CDC25C: variants seen among roughly 807,000 people sequenced by gnomAD.
CDC25C encodes M-phase inducer phosphatase 3.
In CDC25C, 48 loss-of-function variants were observed where a neutral mutation model predicts 52.5. That is an observed-to-expected ratio of 0.91 (90% CI 0.72 to 1.16). The LOEUF (loss-of-function observed/expected upper bound fraction) is 1.16. Ranked by LOEUF, CDC25C falls within the 50% of genes most tolerant of loss-of-function variation. CDC25C has a pLI of 0.00. For synonymous variants in CDC25C, 187 were observed against 206.5 expected, an observed-to-expected ratio of 0.91 and a Z score of 0.81; for missense variants, 510 against 566.1, an observed-to-expected ratio of 0.90 and a Z score of 1.01.
upstream of CDC25C, among the ~76,000 whole-genome samples, chr5:138,336,155 C>CA (rs1760690902): frequency 7.0e-6 from 1 of 143,516 alleles, no homozygotes; most frequent in Non-Finnish European, 1.5e-5. Flanking sequence ...TTTTTTGAGA[C>CA]AGAGTCTCAT....
At chr5:138,286,271 A>G in intron 12 of CDC25C, 138 bp from the exon 13 acceptor site, 5 of 806,840 alleles carry the variant, frequency 6.2e-6, no homozygotes, top group Non-Finnish European at 9.8e-6. Flanking sequence ...GTGTTTGCAA[A>G]AAAAGGTCCA....
intron 6 of CDC25C, among the ~76,000 whole-genome samples, chr5:138,321,266 A>C (rs957612223): frequency 6.6e-6 from 1 of 152,100 alleles, no homozygotes; most frequent in Admixed American, 6.6e-5. Flanking sequence ...AAATTCTGGA[A>C]ATGAGTTCTG....
chr5:138,311,196 C>G (rs150366113), intron 7 of CDC25C, among the ~76,000 whole-genome samples: 1 of 152,124 alleles, frequency 6.6e-6, no homozygotes, highest in Non-Finnish European at 1.5e-5. Flanking sequence ...TGTTCTTTGT[C>G]CCAAAGAGCA....
At chr5:138,322,338 C>T (rs1271262023) in intron 6 of CDC25C, among the ~76,000 whole-genome samples, 4 of 151,614 alleles carry the variant, frequency 2.6e-5, no homozygotes, top group Admixed American at 6.6e-5. Context: ...CTCGCTCTGT[C>T]GCCCAGGCTG....
chr5:138,324,835 G>A (rs752405023), intron 6 of CDC25C, among the ~76,000 whole-genome samples: 3 of 152,066 alleles, frequency 2.0e-5, no homozygotes, highest in Admixed American at 1.3e-4. Flanking sequence ...TTGAGAGGCC[G>A]AGGCAGGTGG....
At chr5:138,325,960 G>A in intron 5 of CDC25C, 56 bp from the exon 6 acceptor site, 1 of 1,611,550 alleles carries the variant, frequency 6.2e-7, no homozygotes, top group Admixed American at 1.7e-5. Context: ...AGGTGCAATG[G>A]AAACCCTCTG....
At chr5:138,328,714 TTA>T (rs1760091220) in intron 3 of CDC25C, 185 bp from the exon 4 acceptor site, 2 of 543,682 alleles carry the variant, frequency 3.7e-6, no homozygotes, top group Non-Finnish European at 6.6e-6. Context: ...ACGTAAGAAT[TTA>T]TATGTGTCAC....
intron 7 of CDC25C, among the ~76,000 whole-genome samples, chr5:138,303,655 CAAAT>C (rs763069784): frequency 2.0e-5 from 3 of 152,148 alleles, no homozygotes; most frequent in Admixed American, 6.6e-5. Flanking sequence ...ACGTCACTCT[CAAAT>C]AAGTCTCCTC....
In CDC25C at chr5:138,328,541, T is replaced by C. The variant is rs1316458232; in HGVS notation, c.290-12A>G. ...AGAATCCAGGTGACCTGCAATCAAA[T>C]ATAAAGAATCAGTAAAAGGAGTTAT... On this transcript the variant is annotated splice_polypyrimidine_tract_variant and intron_variant, in intron 3 of 13. Coordinates refer to ENST00000323760, the MANE Select transcript of CDC25C (RefSeq NM_001790.5). The C allele has an allele frequency of 6.2e-7, 1 of 1,610,612 alleles. No individual in the cohort carries two copies. Among genetic ancestry groups the C allele is most frequent in the African/African-American group, 1.3e-5 (1 of 74,882 alleles).
chr5:138,291,219 AT>A (rs1326730808), intron 8 of CDC25C, among the ~76,000 whole-genome samples: 1 of 151,634 alleles, frequency 6.6e-6, no homozygotes, highest in Non-Finnish European at 1.5e-5. Flanking sequence ...CATCTATTTA[AT>A]TTTTTTAAAG....
intron 7 of CDC25C, among the ~76,000 whole-genome samples, chr5:138,293,810 C>G (rs1298766132): frequency 6.6e-6 from 1 of 151,770 alleles, no homozygotes; most frequent in Non-Finnish European, 1.5e-5. Context: ...CCATGCCCAG[C>G]CAATTTCTGT....
chr5:138,308,121 C>G (rs371758860), intron 7 of CDC25C, among the ~76,000 whole-genome samples: 2 of 152,252 alleles, frequency 1.3e-5, no homozygotes, highest in East Asian at 3.9e-4. Context: ...ACTGTGCGGC[C>G]CGGTTCCTAA....
chr5:138,321,958 C>T lies in CDC25C; in HGVS notation c.460-2584G>A, dbSNP rs570345741. ...GGCACAAAAGACACTAGAGAAATTA[C>T]GCATGGATAATAATCACATGAAATC... is the stretch of plus-strand genomic sequence containing the variant. On this transcript the variant is annotated intron_variant, in intron 6 of 13. Coordinates refer to ENST00000323760, the MANE Select transcript of CDC25C (RefSeq NM_001790.5). 5.3e-5 allele frequency among the ~76,000 whole-genome samples: 8 copies of T among 151,798 alleles called. No individual in the cohort carries two copies. The South Asian group carries it at 1.0e-3, about 20-fold the overall frequency.
intron 6 of CDC25C, 71 bp downstream of exon 6, chr5:138,325,744 A>T: frequency 1.9e-6 from 2 of 1,027,922 alleles, no homozygotes; most frequent in Non-Finnish European, 3.0e-6. Context: ...TCTATGTCTC[A>T]TTATGATACC....
chr5:138,327,181 G>A (rs1394695975), intron 4 of CDC25C, among the ~76,000 whole-genome samples: 1 of 151,744 alleles, frequency 6.6e-6, no homozygotes, highest in Non-Finnish European at 1.5e-5. Flanking sequence ...CTTGAACCCG[G>A]GAGGCGGAGG....
chr5:138,305,075 T>C (rs759829596), intron 7 of CDC25C, among the ~76,000 whole-genome samples: 4 of 152,158 alleles, frequency 2.6e-5, no homozygotes, highest in African/African-American at 7.2e-5. Flanking sequence ...CTTTTCCACC[T>C]GGGGCCTCTG....
chr5:138,295,620 G>GAA (rs796089381), intron 7 of CDC25C, among the ~76,000 whole-genome samples: 8 of 93,414 alleles, frequency 8.6e-5, no homozygotes, highest in Non-Finnish European at 9.1e-5. Flanking sequence ...CTTCTCTTAA[G>GAA]AAAAAAAAAA....
At chr5:138,335,412 T>C (rs1760632727), upstream of CDC25C, 1 of 152,190 alleles carries the variant, frequency 6.6e-6, no homozygotes. Flanking sequence ...TTAGAACCAA[T>C]GGATTCCACT....
At chr5:138,329,414 C>T (rs1760153564) in intron 3 of CDC25C, 139 bp downstream of exon 3, 5 of 604,692 alleles carry the variant, frequency 8.3e-6, no homozygotes, top group East Asian at 5.5e-5. Context: ...CTCAAAAATC[C>T]TCTAGTTACC....
Sources: gnomAD v4.1 joint callset for allele counts (sites outside exome capture counted in the v4.1 genomes callset) on GRCh38, gnomAD v4.1.1 for gene constraint, MANE v1.5 for transcripts, NCBI Gene and HGNC (gene_info 2026-07-23, HGNC 2026-07-21) for gene names.